The following TMEM117 variants were observed in gnomAD, a reference collection of about 807,000 sequenced individuals.
TMEM117 encodes the protein transmembrane protein 117.
In TMEM117, 27 loss-of-function variants were observed where a neutral mutation model predicts 52.4. The ratio of observed to expected loss-of-function variants is 0.51; its 90% confidence interval spans 0.38 to 0.71. The LOEUF is 0.71. Ranked by LOEUF, TMEM117 falls within the 30% of genes least tolerant of loss-of-function variation. The probability of loss-of-function intolerance (pLI) is 0.00; values close to 1 mark genes in which losing one functional copy is unlikely to be tolerated. For missense variants in TMEM117, 556 were observed against 630.5 expected (o/e 0.88, Z 1.26); for synonymous variants, 215 against 206.3 (o/e 1.04, Z -0.36).
intron 3 of TMEM117, chr12:44,009,094 A>C (rs890457206): frequency 2.8e-6 from 1 of 356,982 alleles, no homozygotes; most frequent in African/African-American, 2.2e-5. Context: ...CCATGAAGAC[A>C]CATAAGTTTT....
intron 3 of TMEM117, among the ~76,000 whole-genome samples, chr12:43,967,034 A>G (rs1297047918): frequency 6.6e-6 from 1 of 152,090 alleles, no homozygotes; most frequent in Non-Finnish European, 1.5e-5. Flanking sequence ...ATTAAGCCCA[A>G]TCCTTTATTC....
chr12:44,176,831 GCT>G (rs1555209135), intron 4 of TMEM117, among the ~76,000 whole-genome samples: 17 of 152,066 alleles, frequency 1.1e-4, no homozygotes, highest in Non-Finnish European at 4.4e-5. Flanking sequence ...TGGAAAGAAT[GCT>G]CTCTCTATAT....
At chr12:44,397,174 A>G in the TMEM117 span, among the ~76,000 whole-genome samples, 3 of 152,184 alleles carry the variant, frequency 2.0e-5, no homozygotes, top group African/African-American at 7.2e-5. Flanking sequence ...AAGAGCAGCC[A>G]GTCAGAGGGG....
chr12:43,919,436 G>A (rs1457200792), intron 2 of TMEM117, among the ~76,000 whole-genome samples: 1 of 152,154 alleles, frequency 6.6e-6, no homozygotes, highest in Non-Finnish European at 1.5e-5. Flanking sequence ...TGTCCTGAAG[G>A]TTCATCCATG....
chr12:44,377,252 G>A (rs1951955064), intron 7 of TMEM117, among the ~76,000 whole-genome samples: 1 of 151,940 alleles, frequency 6.6e-6, no homozygotes. Flanking sequence ...TCATTGGATG[G>A]GTTTTTCACC....
chr12:44,195,185 A>G (rs1671914589), intron 4 of TMEM117, among the ~76,000 whole-genome samples: 1 of 152,188 alleles, frequency 6.6e-6, no homozygotes, highest in Admixed American at 6.5e-5. Context: ...GGAGCCAGGA[A>G]AAACCTGATT....
chr12:44,283,653 G>A (rs1242532873), intron 5 of TMEM117, among the ~76,000 whole-genome samples: 3 of 152,154 alleles, frequency 2.0e-5, no homozygotes, highest in Non-Finnish European at 4.4e-5. Context: ...AGACGGAAGG[G>A]ACTTGCCTTG....
At chr12:43,808,164 A>T in the TMEM117 span, among the ~76,000 whole-genome samples, 1 of 152,172 alleles carries the variant, frequency 6.6e-6, no homozygotes, top group Non-Finnish European at 1.5e-5. Flanking sequence ...ATATTGGAGG[A>T]TCTTATAGAT....
chr12:43,933,152 T>C (rs1280419241), intron 2 of TMEM117, among the ~76,000 whole-genome samples: 1 of 152,182 alleles, frequency 6.6e-6, no homozygotes, highest in Non-Finnish European at 1.5e-5. Flanking sequence ...TTAATATTGG[T>C]ATCAGTATAA....
intron 5 of TMEM117, among the ~76,000 whole-genome samples, chr12:44,249,405 G>A (rs1162079167): frequency 6.6e-6 from 1 of 152,088 alleles, no homozygotes; most frequent in Non-Finnish European, 1.5e-5. Flanking sequence ...CATGAAAATG[G>A]ATATACTCTC....
rs963599299 is a variant in TMEM117 at position 43,877,308 on chromosome 12, C to T, written c.277+32380C>T. On this transcript the variant is annotated intron_variant, in intron 2 of 7. Transcript: ENST00000266534. The stretch of plus-strand genomic sequence containing the variant: ...TTGAAAAGAAGCTATAATCTTTGAC[C>T]CACTAATTGAGAGAATCTATCTCAT... Among the ~76,000 whole-genome samples, 9 of 151,980 alleles carry T rather than the reference C, an allele frequency of 5.9e-5. 1 individual carries two copies. The highest frequency in any genetic ancestry group is 6.5e-5 in the Admixed American group (1 of 15,274).
rs556111361 is a variant in TMEM117, at chr12:43,954,584, A to C, written c.410+10242A>C. 1.5e-4 allele frequency among the ~76,000 whole-genome samples: 23 copies of C among 152,288 alleles called. No individual in the cohort carries two copies. The East Asian group carries it at 4.2e-3, about 28-fold the overall frequency. On this transcript the variant is annotated intron_variant, in intron 3 of 7. Transcript: ENST00000266534. ...AATTCCTGGACCCATAAACCCTCCT[A>C]AGACTGAACCCAGAAGAAGTTGAAT...
In TMEM117 at chr12:43,859,290, A is replaced by G. The variant is rs561428566; in HGVS notation, c.277+14362A>G. 5.3e-5 allele frequency among the ~76,000 whole-genome samples: 8 copies of G among 152,306 alleles called. No individual in the cohort carries two copies. In the East Asian group the frequency reaches 1.2e-3, roughly 22 times the overall value. On this transcript the variant is annotated intron_variant, in intron 2 of 7. Transcript: ENST00000266534. ...CAAAGTTGTGGGGAAGGAACGGGCA[A>G]AATGGTTGCAGTGTAGAGTGTGAAC...
At chr12:44,311,839 GTATATATA>G (rs759926704) in intron 6 of TMEM117, among the ~76,000 whole-genome samples, 2 of 53,356 alleles carry the variant, frequency 3.7e-5, no homozygotes, top group African/African-American at 1.5e-4. Context: ...ATGTATATAT[GTATATATA>G]TGTATATATG....
intron 3 of TMEM117, among the ~76,000 whole-genome samples, chr12:43,984,889 G>A (rs2137731677): frequency 6.6e-6 from 1 of 152,232 alleles, no homozygotes; most frequent in African/African-American, 2.4e-5. Flanking sequence ...GCCATTAAAT[G>A]TTGAAGGAGA....
intron 3 of TMEM117, among the ~76,000 whole-genome samples, chr12:43,999,726 A>G (rs1235881947): frequency 6.6e-6 from 1 of 152,110 alleles, no homozygotes; most frequent in Non-Finnish European, 1.5e-5. Context: ...TCCTGAGCTC[A>G]AGCAGTCCAC....
chr12:43,926,270 T>C (rs1565754289), intron 2 of TMEM117, among the ~76,000 whole-genome samples: 1 of 152,206 alleles, frequency 6.6e-6, no homozygotes, highest in African/African-American at 2.4e-5. Flanking sequence ...TTTCCATTAA[T>C]GGATAATTGA....
intron 2 of TMEM117, among the ~76,000 whole-genome samples, chr12:43,876,769 G>A (rs1262589136): frequency 1.3e-5 from 2 of 152,068 alleles, no homozygotes; most frequent in African/African-American, 4.8e-5. Context: ...GTAAATATTT[G>A]TTGAATAAAT....
Position 44,389,066 on chromosome 12 carries a change from A to C in TMEM117, c.*394A>C. 6.3e-6 allele frequency: 1 copy of C among 158,466 alleles called. No homozygotes were observed. Among genetic ancestry groups the C allele is most frequent in the South Asian group, 1.6e-4 (1 of 6,132 alleles). The allele number at this position is 158,466 out of a possible 1,614,324, so 9.8% of individuals were successfully genotyped here. The stretch of plus-strand genomic sequence containing the variant: ...CCTATTTCACATGGGCGTTTTGTAT[A>C]CAACTATTTTGATCTACACTTGATG... On this transcript the variant is annotated 3_prime_UTR_variant, in exon 8 of 8. Coordinates refer to ENST00000266534, the MANE Select transcript of TMEM117 (RefSeq NM_032256.3).
Sources: gnomAD v4.1 joint callset for allele counts (sites outside exome capture counted in the v4.1 genomes callset) on GRCh38, gnomAD v4.1.1 for gene constraint, MANE v1.5 for transcripts, NCBI Gene and HGNC (gene_info 2026-07-23, HGNC 2026-07-21) for gene names.